The following CDYL2 variants were observed in gnomAD, a reference collection of about 807,000 sequenced individuals.
CDYL2 encodes the protein chromodomain Y like 2, also known as chromodomain Y-like protein 2.
A neutral mutation model predicts 49.4 loss-of-function variants in CDYL2; 23 were observed. That is an observed-to-expected ratio of 0.47 (90% CI 0.34 to 0.66). The LOEUF (loss-of-function observed/expected upper bound fraction) is 0.66. Ranked by LOEUF, CDYL2 falls within the 30% of genes least tolerant of loss-of-function variation. The pLI is 0.01. For missense variants in CDYL2, 678 were observed against 656.4 expected, an observed-to-expected ratio of 1.03 and a Z score of -0.36; for synonymous variants, 360 against 268.8, an observed-to-expected ratio of 1.34 and a Z score of -3.32.
At chr16:80,712,350 C>T (rs1011327800) in intron 1 of CDYL2, among the ~76,000 whole-genome samples, 8 of 151,882 alleles carry the variant, frequency 5.3e-5, no homozygotes, top group African/African-American at 9.7e-5. Flanking sequence ...CCAGTGCAAA[C>T]TATCCCTGCC....
chr16:80,696,846 G>A (rs1910631828), intron 1 of CDYL2, among the ~76,000 whole-genome samples: 1 of 152,046 alleles, frequency 6.6e-6, no homozygotes, highest in South Asian at 2.1e-4. Context: ...ATCTGAAGAG[G>A]AGGGCCCAGG....
At chr16:80,766,247 A>T (rs760476633) in intron 1 of CDYL2, among the ~76,000 whole-genome samples, 5 of 152,218 alleles carry the variant, frequency 3.3e-5, no homozygotes, top group Non-Finnish European at 5.9e-5. Context: ...TAAATTGTAC[A>T]GTATGTGAAT....
At chr16:80,726,264 A>G (rs1905159352) in intron 1 of CDYL2, among the ~76,000 whole-genome samples, 1 of 152,238 alleles carries the variant, frequency 6.6e-6, no homozygotes, top group Admixed American at 6.5e-5. Context: ...ATATTCATCC[A>G]TAGGTTTTCT....
At chr16:80,699,557 A>C (rs2142498323) in intron 1 of CDYL2, among the ~76,000 whole-genome samples, 1 of 152,384 alleles carries the variant, frequency 6.6e-6, no homozygotes, top group East Asian at 1.9e-4. Flanking sequence ...TAATAAATAC[A>C]AAATCACAGC....
intron 1 of CDYL2, among the ~76,000 whole-genome samples, chr16:80,698,810 A>T (rs1387937646): frequency 6.6e-6 from 1 of 152,128 alleles, no homozygotes; most frequent in East Asian, 1.9e-4. Flanking sequence ...CTTCCTGTAG[A>T]GCCTGCAGAA....
At chr16:80,701,267 A>C (rs187773045) in intron 1 of CDYL2, among the ~76,000 whole-genome samples, 1 of 152,244 alleles carries the variant, frequency 6.6e-6, no homozygotes, top group East Asian at 1.9e-4. Context: ...AAATATATAA[A>C]GGTCTGGAAT....
upstream of CDYL2, among the ~76,000 whole-genome samples, chr16:80,804,978 G>T (rs1264911919): frequency 6.6e-6 from 1 of 152,138 alleles, no homozygotes; most frequent in Non-Finnish European, 1.5e-5. Context: ...CTCCCTCCAG[G>T]CTGGGTTGTA....
chr16:80,764,459 C>T (rs901623363), intron 1 of CDYL2, among the ~76,000 whole-genome samples: 1 of 151,958 alleles, frequency 6.6e-6, no homozygotes, highest in Admixed American at 6.6e-5. Context: ...ATTCCCTATC[C>T]CAATGGGAGG....
chr16:80,767,191 C>A (rs374563950), intron 1 of CDYL2, among the ~76,000 whole-genome samples: 2 of 152,158 alleles, frequency 1.3e-5, no homozygotes, highest in South Asian at 4.1e-4. Flanking sequence ...CCCAACTATA[C>A]AGCAAATATG....
intron 1 of CDYL2, among the ~76,000 whole-genome samples, chr16:80,757,791 G>A (rs1906365576): frequency 6.6e-6 from 1 of 151,858 alleles, no homozygotes; most frequent in Non-Finnish European, 1.5e-5. Context: ...AATTATTGGA[G>A]GACCTAATTA....
At chr16:80,756,563 G>C (rs1906316823) in intron 1 of CDYL2, among the ~76,000 whole-genome samples, 1 of 151,950 alleles carries the variant, frequency 6.6e-6, no homozygotes, top group South Asian at 2.1e-4. Flanking sequence ...AGCTATAGGT[G>C]AATTTGAAAA....
At chr16:80,747,400 G>A (rs1004248448) in intron 1 of CDYL2, among the ~76,000 whole-genome samples, 1 of 152,156 alleles carries the variant, frequency 6.6e-6, no homozygotes, top group Admixed American at 6.5e-5. Flanking sequence ...ATACCTCATA[G>A]GGTTAGGGGA....
chr16:80,650,827 G>A (rs982300288), intron 2 of CDYL2, among the ~76,000 whole-genome samples: 1 of 152,086 alleles, frequency 6.6e-6, no homozygotes, highest in East Asian at 1.9e-4. Flanking sequence ...CAACACAGAT[G>A]GAACTGGAGG....
intron 2 of CDYL2, among the ~76,000 whole-genome samples, chr16:80,648,502 T>A (rs1390202228): frequency 1.3e-5 from 2 of 151,970 alleles, no homozygotes; most frequent in African/African-American, 4.8e-5. Flanking sequence ...ATCACAGCCA[T>A]AATAAAAAGT....
chr16:80,676,971 T>C (rs1466055070), intron 2 of CDYL2, among the ~76,000 whole-genome samples: 2 of 139,812 alleles, frequency 1.4e-5, no homozygotes, highest in Non-Finnish European at 3.1e-5. Flanking sequence ...GTATTTTTTT[T>C]TTTTTTTTTT....
At chr16:80,763,117 G>A (rs1441719719) in intron 1 of CDYL2, among the ~76,000 whole-genome samples, 1 of 152,000 alleles carries the variant, frequency 6.6e-6, no homozygotes. Flanking sequence ...GTAGTGAGCT[G>A]AGACTGTGCC....
chr16:80,782,737 G>GA (rs571757241), intron 1 of CDYL2, among the ~76,000 whole-genome samples: 9 of 150,966 alleles, frequency 6.0e-5, no homozygotes, highest in South Asian at 2.1e-4. Flanking sequence ...TAGAATGATG[G>GA]AAAAAAAACA....
chr16:80,790,326 T>C (rs925760247), intron 1 of CDYL2, among the ~76,000 whole-genome samples: 31 of 152,172 alleles, frequency 2.0e-4, no homozygotes, highest in Non-Finnish European at 4.3e-4. Flanking sequence ...AGCAAAGACT[T>C]TGCCATCTCT....
intron 1 of CDYL2, among the ~76,000 whole-genome samples, chr16:80,778,144 T>C (rs1041889278): frequency 5.3e-5 from 8 of 151,942 alleles, no homozygotes; most frequent in African/African-American, 1.9e-4. Context: ...AACAGTAAAC[T>C]AGCTGTAGAA....
Sources: gnomAD v4.1 joint callset for allele counts (sites outside exome capture counted in the v4.1 genomes callset) on GRCh38, gnomAD v4.1.1 for gene constraint, MANE v1.5 for transcripts, NCBI Gene and HGNC (gene_info 2026-07-23, HGNC 2026-07-21) for gene names.